The following SLC25A31 variants were observed in gnomAD, a reference collection of about 807,000 sequenced individuals.
SLC25A31 encodes the protein solute carrier family 25 member 31.
In SLC25A31, 40 loss-of-function variants were observed where a neutral mutation model predicts 36.2. The observed-to-expected ratio is 1.10, with a 90% confidence interval of 0.86 to 1.44. SLC25A31 has a LOEUF of 1.44. SLC25A31 is among the 40% of genes most tolerant of loss of function. The pLI is 0.00. For synonymous variants in SLC25A31, 143 were observed against 149.7 expected (o/e 0.96, Z 0.32); for missense variants, 350 against 397.1 (o/e 0.88, Z 1.01).
chr4:127,757,886 C>T (rs781120289), intron 2 of SLC25A31, among the ~76,000 whole-genome samples: 4 of 151,992 alleles, frequency 2.6e-5, no homozygotes, highest in Non-Finnish European at 5.9e-5. Context: ...TGTATTAGTC[C>T]ATTTTCATGC....
At chr4:127,754,394 A>C (rs1168818815) in intron 2 of SLC25A31, among the ~76,000 whole-genome samples, 1 of 152,190 alleles carries the variant, frequency 6.6e-6, no homozygotes, top group African/African-American at 2.4e-5. Context: ...AAAACCCCAA[A>C]GACCACCAGA....
At position 127,774,099 on chromosome 4, in the gene SLC25A31, G is replaced by A. The variant is rs972814149; in HGVS notation, c.*525G>A. 1 of 152,112 alleles carries A rather than the reference G, an allele frequency of 6.6e-6. No homozygotes were observed. The highest frequency in any genetic ancestry group is 2.4e-5 in the African/African-American group (1 of 41,434). The allele number at this position is 152,112 out of a possible 1,614,324, so 9.4% of individuals were successfully genotyped here. The stretch of plus-strand genomic sequence containing the variant: ...ACAGTATCAGCCTTTGATTATAGAT[G>A]TGATCATTTAAAATTTGATAATGAC... On this transcript the variant is annotated 3_prime_UTR_variant, in exon 6 of 6. Transcript: ENST00000281154.
intron 2 of SLC25A31, among the ~76,000 whole-genome samples, chr4:127,758,798 T>G (rs1732077469): frequency 6.6e-6 from 1 of 152,184 alleles, no homozygotes; most frequent in Non-Finnish European, 1.5e-5. Flanking sequence ...TGGCCTTGTT[T>G]CTGGGTTCTT....
At chr4:127,732,440 T>G (rs1460585487) in intron 1 of SLC25A31, among the ~76,000 whole-genome samples, 1 of 152,152 alleles carries the variant, frequency 6.6e-6, no homozygotes, top group Non-Finnish European at 1.5e-5. Flanking sequence ...TCCCCCAAGA[T>G]TTTTTCAGGA....
In SLC25A31 at chr4:127,764,318, C is replaced by A; in HGVS notation, c.436C>A (p.Leu146Ile). The change falls in exon 3 of 6, where the codon CTA (leucine) becomes ATA (isoleucine). Residue 146 changes from leucine to isoleucine, a missense_variant. Leu to Ile is a conservative substitution (Grantham distance 5). Transcript: ENST00000281154. ...GATSLCVVYP[L>I]DFARTRLGVD... ...AACATCCTTATGTGTAGTATATCCT[C>A]TAGATTTTGCCCGAACCCGATTAGG... 6.2e-7 allele frequency: 1 copy of A among 1,613,938 alleles called. No individual in the cohort carries two copies. The highest frequency in any genetic ancestry group is 8.5e-7 in the Non-Finnish European group (1 of 1,179,934).
intron 3 of SLC25A31, among the ~76,000 whole-genome samples, chr4:127,766,177 G>GT (rs1286867727): frequency 1.5e-5 from 2 of 130,916 alleles, no homozygotes; most frequent in Non-Finnish European, 3.3e-5. Context: ...TTTTGTTTTT[G>GT]TTTTTGTTTT....
chr4:127,761,546 A>C (rs898481903), intron 2 of SLC25A31, among the ~76,000 whole-genome samples: 2 of 152,000 alleles, frequency 1.3e-5, no homozygotes, highest in African/African-American at 4.8e-5. Context: ...CTCTCTAATT[A>C]CCTGCTTTTA....
At chr4:127,749,208 G>A (rs1171517163) in intron 2 of SLC25A31, among the ~76,000 whole-genome samples, 1 of 151,988 alleles carries the variant, frequency 6.6e-6, no homozygotes, top group Non-Finnish European at 1.5e-5. Context: ...CTCAAAGATA[G>A]GTCATTTAAA....
chr4:127,732,711 T>G (rs938656516), intron 1 of SLC25A31, among the ~76,000 whole-genome samples: 1 of 152,192 alleles, frequency 6.6e-6, no homozygotes, highest in African/African-American at 2.4e-5. Flanking sequence ...AGTTCCAAGA[T>G]GAGAGGATCA....
intron 1 of SLC25A31, among the ~76,000 whole-genome samples, chr4:127,734,230 A>G (rs543640913): frequency 6.6e-6 from 1 of 152,288 alleles, no homozygotes; most frequent in South Asian, 2.1e-4. Flanking sequence ...TAATCAAAGG[A>G]ACTGTCTTAT....
At chr4:127,761,427 GA>G (rs944720365) in intron 2 of SLC25A31, among the ~76,000 whole-genome samples, 12 of 152,220 alleles carry the variant, frequency 7.9e-5, no homozygotes, top group African/African-American at 2.9e-4. Flanking sequence ...ATTACCTCAG[GA>G]AAAAGATGAT....
chr4:127,761,582 AT>A (rs1000708977), intron 2 of SLC25A31, among the ~76,000 whole-genome samples: 3 of 151,942 alleles, frequency 2.0e-5, no homozygotes, highest in African/African-American at 7.3e-5. Flanking sequence ...CTGTTTTCTC[AT>A]TATTGCCTAC....
chr4:127,741,349 G>T (rs1044280572), intron 1 of SLC25A31, among the ~76,000 whole-genome samples: 1 of 152,126 alleles, frequency 6.6e-6, no homozygotes, highest in African/African-American at 2.4e-5. Context: ...TATGTTATCT[G>T]TGAGCTTGTC....
chr4:127,750,814 G>A lies in SLC25A31; in HGVS notation c.360+6015G>A, dbSNP rs575085462. On this transcript the variant is annotated intron_variant, in intron 2 of 5. Transcript: ENST00000281154. ...CCTTTACAGAAATACAACAAATTAT[G>A]AAGGAAGACACCAAGATTGGAGGAA... 3.9e-5 allele frequency among the ~76,000 whole-genome samples: 6 copies of A among 151,936 alleles called. No homozygotes were observed. The South Asian group carries it at 1.0e-3, about 26-fold the overall frequency.
At chr4:127,767,509 A>T (rs1477321903) in intron 4 of SLC25A31, among the ~76,000 whole-genome samples, 2 of 152,178 alleles carry the variant, frequency 1.3e-5, no homozygotes, top group African/African-American at 2.4e-5. Context: ...CATCATAATC[A>T]AATCATTGGT....
intron 2 of SLC25A31, among the ~76,000 whole-genome samples, chr4:127,752,704 C>A (rs976856539): frequency 3.3e-5 from 5 of 152,108 alleles, no homozygotes; most frequent in African/African-American, 1.2e-4. Flanking sequence ...GGGGTCAGTT[C>A]ATCAAGAGGA....
At chr4:127,768,556 G>T (rs955108224) in intron 4 of SLC25A31, among the ~76,000 whole-genome samples, 196 bp from the exon 5 acceptor site, 3 of 151,800 alleles carry the variant, frequency 2.0e-5, no homozygotes, top group Non-Finnish European at 2.9e-5. Flanking sequence ...TTATATTTTT[G>T]AAATATACCT....
Position 127,773,497 on chromosome 4 carries a change from G to A in SLC25A31, c.871G>A (p.Gly291Ser), listed in dbSNP as rs200711327. The A allele has an allele frequency of 9.3e-6, 15 of 1,613,428 alleles. No individual in the cohort carries two copies. Among genetic ancestry groups the A allele is most frequent in the East Asian group, 4.5e-5 (2 of 44,876 alleles). The change falls in exon 6 of 6, where the codon GGT becomes AGT. Residue 291 changes from glycine (G) to serine (S), a missense_variant. Physicochemically the swap from Gly to Ser is moderately conservative, Grantham distance 56. Coordinates refer to ENST00000281154, the MANE Select transcript of SLC25A31 (RefSeq NM_031291.4). ...FRGAFSNVLRGTGGALVLVLY... is the reference protein window; with the variant it reads ...FRGAFSNVLRSTGGALVLVLY... Reference sequence around the variant, plus strand: ...TGGCGCCTTCTCCAATGTTCTTCGCGGTACAGGGGGTGCTTTGGTGTTGGT... The same window carrying A: ...TGGCGCCTTCTCCAATGTTCTTCGCAGTACAGGGGGTGCTTTGGTGTTGGT...
intron 2 of SLC25A31, among the ~76,000 whole-genome samples, chr4:127,748,262 C>G (rs1173869805): frequency 6.6e-6 from 1 of 152,208 alleles, no homozygotes; most frequent in Non-Finnish European, 1.5e-5. Flanking sequence ...TTGAAACAGT[C>G]CTATAAATCG....
Sources: gnomAD v4.1 joint callset for allele counts (sites outside exome capture counted in the v4.1 genomes callset) on GRCh38, gnomAD v4.1.1 for gene constraint, MANE v1.5 for transcripts, NCBI Gene and HGNC (gene_info 2026-07-23, HGNC 2026-07-21) for gene names.